VPS13A: variants seen among roughly 807,000 people sequenced by gnomAD.
VPS13A encodes intermembrane lipid transfer protein VPS13A.
Under a neutral mutation model 390.9 loss-of-function variants are expected in VPS13A, and 264 were observed. That is an observed-to-expected ratio of 0.68 (90% confidence interval 0.61 to 0.75). VPS13A has a LOEUF of 0.75. Ranked by LOEUF, VPS13A falls within the 30% of genes least tolerant of loss-of-function variation. The pLI, the probability that VPS13A is intolerant of heterozygous loss-of-function variation, is 0.00. For synonymous variants in VPS13A, 1,231 were observed against 1,227.1 expected, an observed-to-expected ratio of 1.00 and a Z score of -0.07; for missense variants, 3,409 against 3,733.9, an observed-to-expected ratio of 0.91 and a Z score of 2.27.
intron 5 of VPS13A, among the ~76,000 whole-genome samples, chr9:77,207,255 A>AAAACGTGTTATATGTAACATAAC (rs1825731137): frequency 7.6e-6 from 1 of 131,452 alleles, no homozygotes; most frequent in Non-Finnish European, 1.6e-5. Flanking sequence ...ATATATATAA[A>AAAACGTGTTATATGTAACATAAC]ACGTGTTATA....
rs183185376 is a variant in VPS13A, at chr9:77,285,575, A to T, written c.3339+1925A>T. ...ATGCTTAATTCTTGGTGATGGGTAC[A>T]CAAGTCTTTCTAATTATTCTCAACT... is the stretch of plus-strand genomic sequence containing the variant. On this transcript the variant is annotated intron_variant, in intron 31 of 71. Coordinates refer to ENST00000360280, the MANE Select transcript of VPS13A (RefSeq NM_033305.3). Among the ~76,000 whole-genome samples the T allele has an allele frequency of 3.3e-5, 5 of 152,342 alleles. No individual in the cohort carries two copies. The East Asian group carries it at 9.6e-4, about 29-fold the overall frequency.
At chr9:77,251,633 A>G (rs1002077822) in intron 21 of VPS13A, among the ~76,000 whole-genome samples, 4 of 152,042 alleles carry the variant, frequency 2.6e-5, no homozygotes, top group Non-Finnish European at 2.9e-5. Flanking sequence ...TTTTACCAGT[A>G]ATATTTTGGT....
rs182636090 is a variant in VPS13A at position 77,274,503 on chromosome 9, C to T, written c.2513-995C>T. 2.5e-3 allele frequency among the ~76,000 whole-genome samples: 381 copies of T among 151,222 alleles called. 1 individual carries two copies. Among genetic ancestry groups the T allele is most frequent in the African/African-American group, 9.0e-3 (370 of 41,224 alleles). ...TATTTGGCTGTGAGTTAAAAAACAC[C>T]ACAAAACTTCACAGATGTCTTAATT... On this transcript the variant is annotated intron_variant, in intron 24 of 71. Transcript: ENST00000360280.
At chr9:77,364,385 A>G (rs1247549975) in intron 59 of VPS13A, among the ~76,000 whole-genome samples, 1 of 152,110 alleles carries the variant, frequency 6.6e-6, no homozygotes, top group South Asian at 2.1e-4. Flanking sequence ...AGATCGCGCC[A>G]CTGCACTCCA....
intron 71 of VPS13A, among the ~76,000 whole-genome samples, chr9:77,413,543 G>A (rs1835036754): frequency 6.6e-6 from 1 of 152,154 alleles, no homozygotes; most frequent in Non-Finnish European, 1.5e-5. Flanking sequence ...GCCATATGTA[G>A]AAAGCTGAAA....
chr9:77,377,795 C>G (rs1421796632), intron 67 of VPS13A, among the ~76,000 whole-genome samples: 1 of 152,094 alleles, frequency 6.6e-6, no homozygotes, highest in African/African-American at 2.4e-5. Flanking sequence ...GCCTATATTG[C>G]TTTTAATCTT....
intron 13 of VPS13A, among the ~76,000 whole-genome samples, chr9:77,225,279 AT>A (rs540306715): frequency 6.6e-6 from 1 of 151,952 alleles, no homozygotes; most frequent in Non-Finnish European, 1.5e-5. Context: ...CTTTGTATAG[AT>A]TTTTTTTGAG....
At chr9:77,256,707 C>T (rs1413404243) in intron 22 of VPS13A, among the ~76,000 whole-genome samples, 2 of 152,050 alleles carry the variant, frequency 1.3e-5, no homozygotes, top group Admixed American at 6.6e-5. Flanking sequence ...GTTATGTCTT[C>T]TTGGTGAAGT....
chr9:77,195,657 A>G (rs1318547203), intron 1 of VPS13A, among the ~76,000 whole-genome samples: 3 of 152,106 alleles, frequency 2.0e-5, no homozygotes, highest in Non-Finnish European at 4.4e-5. Flanking sequence ...GAATCACTTG[A>G]TCCCAGGAGG....
intron 23 of VPS13A, among the ~76,000 whole-genome samples, chr9:77,260,456 C>T (rs1484619839): frequency 2.0e-5 from 3 of 150,662 alleles, no homozygotes; most frequent in African/African-American, 4.9e-5. Flanking sequence ...CCCAGGCTCA[C>T]GCCATTCTCC....
At chr9:77,412,034 A>G (rs1238391827) in intron 71 of VPS13A, among the ~76,000 whole-genome samples, 5 of 152,182 alleles carry the variant, frequency 3.3e-5, no homozygotes, top group Non-Finnish European at 7.3e-5. Context: ...CCCTCCCAAG[A>G]CTAAAGCAGG....
chr9:77,248,384 T>A (rs1043249779), intron 20 of VPS13A, among the ~76,000 whole-genome samples: 3 of 151,744 alleles, frequency 2.0e-5, no homozygotes, highest in Non-Finnish European at 4.4e-5. Flanking sequence ...CCCGGCTAAT[T>A]TTTTTTGTGA....
chr9:77,241,793 T>C (rs1473015546), intron 19 of VPS13A, among the ~76,000 whole-genome samples: 1 of 152,212 alleles, frequency 6.6e-6, no homozygotes, highest in Non-Finnish European at 1.5e-5. Flanking sequence ...CAAAGAATTC[T>C]TGGGCTACAT....
intron 23 of VPS13A, among the ~76,000 whole-genome samples, chr9:77,261,093 G>A (rs957858389): frequency 6.6e-6 from 1 of 151,852 alleles, no homozygotes; most frequent in Non-Finnish European, 1.5e-5. Context: ...TAGAGACAGG[G>A]TTTCACCATC....
At chr9:77,328,934 G>A (rs1473471199) in intron 45 of VPS13A, among the ~76,000 whole-genome samples, 1 of 152,174 alleles carries the variant, frequency 6.6e-6, no homozygotes, top group African/African-American at 2.4e-5. Flanking sequence ...TTACAATCAT[G>A]GCAGAAGGCA....
At chr9:77,389,001 ATTAG>A (rs1833799681) in intron 68 of VPS13A, among the ~76,000 whole-genome samples, 3 of 152,222 alleles carry the variant, frequency 2.0e-5, no homozygotes, top group Non-Finnish European at 2.9e-5. Context: ...ATTTTTCAAC[ATTAG>A]TTATTTTCTA....
intron 71 of VPS13A, among the ~76,000 whole-genome samples, chr9:77,411,781 A>G (rs574744584): frequency 6.6e-6 from 1 of 151,952 alleles, no homozygotes; most frequent in African/African-American, 2.4e-5. Context: ...GACACAAAAA[A>G]CCCTTCAAAA....
intron 1 of VPS13A, among the ~76,000 whole-genome samples, chr9:77,183,654 C>G (rs1824157141): frequency 6.6e-6 from 1 of 152,206 alleles, no homozygotes; most frequent in African/African-American, 2.4e-5. Context: ...TGTTAAACAA[C>G]TTGGGAAAAC....
At chr9:77,372,687 G>C (rs1300310897) in intron 67 of VPS13A, among the ~76,000 whole-genome samples, 1 of 152,108 alleles carries the variant, frequency 6.6e-6, no homozygotes, top group African/African-American at 2.4e-5. Flanking sequence ...AAAAGAGGAA[G>C]TCAAATTGTC....
Sources: allele counts gnomAD v4.1 joint callset (sites outside exome capture counted in the v4.1 genomes callset), GRCh38; gene constraint gnomAD v4.1.1; transcripts MANE v1.5; gene names NCBI Gene and HGNC (gene_info 2026-07-23, HGNC 2026-07-21).